The following PKHD1L1 variants were observed in gnomAD, a reference collection of about 807,000 sequenced individuals.
PKHD1L1 encodes the protein fibrocystin-L.
A neutral mutation model predicts 462.9 loss-of-function variants in PKHD1L1; 434 were observed. The ratio of observed to expected loss-of-function variants is 0.94; its 90% CI spans 0.87 to 1.02. The LOEUF (loss-of-function observed/expected upper bound fraction) is 1.02, where lower values mean the gene tolerates loss of function less well. PKHD1L1 is among the 50% of genes least tolerant of loss of function. PKHD1L1 has a pLI of 0.00. For missense variants in PKHD1L1, 5,202 were observed against 5,096.1 expected (o/e 1.02, Z -0.63); for synonymous variants, 1,781 against 1,750.0 (o/e 1.02, Z -0.44).
At chr8:109,438,204 A>T (rs1815547855) in intron 30 of PKHD1L1, 120 bp from the exon 31 acceptor site, 1 of 746,564 alleles carries the variant, frequency 1.3e-6, no homozygotes. Context: ...ACTGACTCTG[A>T]TCTTGACTTT....
In PKHD1L1 at chr8:109,478,063, G is replaced by T. The variant is rs550722466; in HGVS notation, c.9089+667G>T. ...TTTGATGTATATTTGCATCCCTTAT[G>T]GACAATACTACTGACAAAACATGAT... On this transcript the variant is annotated intron_variant, in intron 53 of 77. Transcript: ENST00000378402. 2.6e-5 allele frequency among the ~76,000 whole-genome samples: 4 copies of T among 151,988 alleles called. No homozygotes were observed. The East Asian group carries it at 5.8e-4, about 22-fold the overall frequency.
At chr8:109,420,754 C>T in intron 23 of PKHD1L1, 64 bp downstream of exon 23, 1 of 1,207,856 alleles carries the variant, frequency 8.3e-7, no homozygotes, top group East Asian at 2.7e-5. Flanking sequence ...TTTTAAATAA[C>T]CAACATACAG....
At chr8:109,520,632 C>T (rs1285552554) in intron 73 of PKHD1L1, among the ~76,000 whole-genome samples, 4 of 152,124 alleles carry the variant, frequency 2.6e-5, no homozygotes, top group African/African-American at 4.8e-5. Flanking sequence ...TGGTGAATCA[C>T]AGCAAAATGT....
At chr8:109,502,302 A>G (rs908590566) in intron 67 of PKHD1L1, among the ~76,000 whole-genome samples, 2 of 152,210 alleles carry the variant, frequency 1.3e-5, no homozygotes, top group African/African-American at 2.4e-5. Context: ...AAAACTGGCC[A>G]TACTAGTGTA....
chr8:109,527,187 T>C (rs934738183), intron 77 of PKHD1L1, among the ~76,000 whole-genome samples, 167 bp downstream of exon 77: 1 of 152,132 alleles, frequency 6.6e-6, no homozygotes, highest in Non-Finnish European at 1.5e-5. Flanking sequence ...TGTTATTCAC[T>C]ACATGTTGGT....
At chr8:109,484,932 C>A in intron 57 of PKHD1L1, 112 bp from the exon 58 acceptor site, 1 of 825,972 alleles carries the variant, frequency 1.2e-6, no homozygotes, top group Non-Finnish European at 1.8e-6. Context: ...TCTGATAATA[C>A]CATAATTGCC....
At chr8:109,442,515 A>C (rs1815854264) in intron 35 of PKHD1L1, among the ~76,000 whole-genome samples, 1 of 152,186 alleles carries the variant, frequency 6.6e-6, no homozygotes, top group Non-Finnish European at 1.5e-5. Flanking sequence ...GTAGCAAGCG[A>C]TGAACTTTGA....
At chr8:109,439,700 G>T (rs1815665043) in intron 32 of PKHD1L1, among the ~76,000 whole-genome samples, 1 of 152,066 alleles carries the variant, frequency 6.6e-6, no homozygotes, top group African/African-American at 2.4e-5. Context: ...TAAGGACTTA[G>T]TATTTCTTTT....
chr8:109,498,345 C>T, intron 65 of PKHD1L1, 117 bp from the exon 66 acceptor site: 1 of 270,390 alleles, frequency 3.7e-6, no homozygotes, highest in African/African-American at 7.8e-5. Flanking sequence ...TCATGATCCA[C>T]CCGCCTCGGC....
intron 2 of PKHD1L1, among the ~76,000 whole-genome samples, chr8:109,374,731 A>T (rs1286287934): frequency 6.6e-6 from 1 of 152,076 alleles, no homozygotes; most frequent in African/African-American, 2.4e-5. Flanking sequence ...GCTTGTCTGT[A>T]AAGTATTTTA....
intron 23 of PKHD1L1, among the ~76,000 whole-genome samples, chr8:109,421,850 C>A (rs186785743): frequency 6.6e-6 from 1 of 152,206 alleles, no homozygotes; most frequent in African/African-American, 2.4e-5. Flanking sequence ...TCAAAATTCT[C>A]CCATTTTTCA....
At chr8:109,415,662 G>T (rs1032151511) in intron 21 of PKHD1L1, among the ~76,000 whole-genome samples, 25 of 151,756 alleles carry the variant, frequency 1.6e-4, no homozygotes, top group Admixed American at 1.2e-3. Context: ...GGAGGGGGCT[G>T]GGCAACATGG....
intron 2 of PKHD1L1, among the ~76,000 whole-genome samples, chr8:109,376,391 C>T (rs374306381): frequency 1.3e-5 from 2 of 152,184 alleles, no homozygotes; most frequent in Non-Finnish European, 2.9e-5. Context: ...TTCCAGGTGC[C>T]GTCTGTCACC....
rs1303031718 is a variant in PKHD1L1, at chr8:109,445,192, G to C, written c.5323G>C (p.Val1775Leu). 2 of 1,613,976 alleles carry C rather than the reference G, an allele frequency of 1.2e-6. No individual in the cohort carries two copies. The highest frequency in any genetic ancestry group is 1.7e-5 in the Admixed American group (1 of 60,024). The change falls in exon 38 of 78, where the codon GTT (valine) becomes CTT (leucine). Residue 1775 changes from valine to leucine, a missense_variant. Around this residue, in one of 3 missense-constraint regions of PKHD1L1, gnomAD observed 4,497 missense variants for 4,336.8 expected, o/e 1.04. Coordinates refer to ENST00000378402, the MANE Select transcript of PKHD1L1 (RefSeq NM_177531.6). Reference sequence around the variant, plus strand: ...TATTGAAGGAGAAGGTTTGGGGACTGTTTTGGAGGACATTGCTGTTTTCAT... The same window carrying C: ...TATTGAAGGAGAAGGTTTGGGGACTCTTTTGGAGGACATTGCTGTTTTCAT... Reference protein sequence around the residue: ...VLIEGEGLGTVLEDIAVFIGN... With the variant: ...VLIEGEGLGTLLEDIAVFIGN...
chr8:109,392,087 C>T lies in PKHD1L1; in HGVS notation c.740+1593C>T, dbSNP rs569813051. The stretch of plus-strand genomic sequence containing the variant: ...TCCTTAGGGATGACCTACTTACATA[C>T]GACTTGATAAGACACGGCAACAGGA... On this transcript the variant is annotated intron_variant, in intron 9 of 77. Coordinates refer to ENST00000378402, the MANE Select transcript of PKHD1L1 (RefSeq NM_177531.6). Among the ~76,000 whole-genome samples, 28 of 152,202 alleles carry T rather than the reference C, an allele frequency of 1.8e-4. No homozygotes were observed. The East Asian group carries it at 3.9e-3, about 21-fold the overall frequency.
chr8:109,523,152 A>G, intron 75 of PKHD1L1, 81 bp from the exon 76 acceptor site: 2 of 1,323,450 alleles, frequency 1.5e-6, no homozygotes, highest in Non-Finnish European at 2.0e-6. Flanking sequence ...AGGCATTTTT[A>G]AAAATAAAGT....
Position 109,433,160 on chromosome 8 carries a change from G to A in PKHD1L1, c.3284G>A (p.Ser1095Asn), listed in dbSNP as rs1299140862. 1 of 1,613,502 alleles carries A rather than the reference G, an allele frequency of 6.2e-7. No individual in the cohort carries two copies. The highest frequency in any genetic ancestry group is 1.7e-5 in the Admixed American group (1 of 59,978). The change falls in exon 28 of 78, where the codon AGT (serine) becomes AAT (asparagine). Residue 1095 changes from serine to asparagine, a missense_variant. Coordinates refer to ENST00000378402, the MANE Select transcript of PKHD1L1 (RefSeq NM_177531.6). ...LTIVGSGFSP[S>N]SAVTVSVGPV... is the part of the protein sequence containing the mutation. ...ATAGTGGGTTCTGGATTTTCTCCTA[G>A]TTCAGCTGTAACAGTCTCAGTTGGA...
rs1817297530 is a variant in PKHD1L1 at position 109,464,302 on chromosome 8, A to G, written c.7470A>G (p.Val2490=). The G allele has an allele frequency of 2.5e-6, 4 of 1,613,068 alleles. No individual in the cohort carries two copies. In the African/African-American group the frequency reaches 5.3e-5, roughly 22 times the overall value. Residue 2490 remains valine, a synonymous_variant, in exon 49 of 78, where the codon GTA becomes GTG. Transcript: ENST00000378402. ...GAGACTTACAGTTTAAATCTTATGTAAGAGGCTGTGCAATTCACCAGGCCT... is the reference window on the plus strand; with the variant it reads ...GAGACTTACAGTTTAAATCTTATGTGAGAGGCTGTGCAATTCACCAGGCCT... ...LLGDLQFKSY[V]RGCAIHQAYN...
intron 50 of PKHD1L1, chr8:109,470,352 C>T: frequency 6.5e-7 from 1 of 1,544,636 alleles, no homozygotes. Context: ...GTGAAGTTAA[C>T]CATTACTATG....
Sources: allele counts gnomAD v4.1 joint callset (sites outside exome capture counted in the v4.1 genomes callset), GRCh38; gene constraint gnomAD v4.1.1; regional missense constraint gnomAD v4.1.1; transcripts MANE v1.5; gene names NCBI Gene and HGNC (gene_info 2026-07-23, HGNC 2026-07-21).